SCAPER: variants seen among roughly 807,000 people sequenced by gnomAD.
SCAPER encodes the protein S phase cyclin A-associated protein in the endoplasmic reticulum.
Under a neutral mutation model 182.2 loss-of-function variants are expected in SCAPER, and 98 were observed. The ratio of observed to expected loss-of-function variants is 0.54; its 90% CI spans 0.46 to 0.64. SCAPER has a LOEUF of 0.64. Ranked by LOEUF, SCAPER falls within the 30% of genes least tolerant of loss-of-function variation. SCAPER has a pLI of 0.00. For synonymous variants in SCAPER, 605 were observed against 564.6 expected (o/e 1.07, Z -1.01); for missense variants, 1,432 against 1,690.0 (o/e 0.85, Z 2.68).
intron 16 of SCAPER, among the ~76,000 whole-genome samples, chr15:76,729,568 G>A (rs2060796735): frequency 6.6e-6 from 1 of 152,082 alleles, no homozygotes; most frequent in Non-Finnish European, 1.5e-5. Flanking sequence ...AGCACAGTGG[G>A]TGTAAGAGTG....
intron 23 of SCAPER, among the ~76,000 whole-genome samples, chr15:76,543,091 T>C (rs1203426518): frequency 6.6e-6 from 1 of 152,174 alleles, no homozygotes; most frequent in Non-Finnish European, 1.5e-5. Context: ...GTATGTTGAA[T>C]TACATTTCTA....
At chr15:76,625,402 G>A (rs1007828935) in intron 21 of SCAPER, among the ~76,000 whole-genome samples, 2 of 152,160 alleles carry the variant, frequency 1.3e-5, no homozygotes, top group African/African-American at 4.8e-5. Flanking sequence ...GGCTGCTGTT[G>A]GCAGGGAAGT....
chr15:76,750,201 T>C (rs1467134288), intron 15 of SCAPER, among the ~76,000 whole-genome samples: 1 of 151,696 alleles, frequency 6.6e-6, no homozygotes, highest in Non-Finnish European at 1.5e-5. Context: ...CAACCCTAAC[T>C]CATAATACAG....
At chr15:76,843,043 A>C (rs1036447064) in intron 4 of SCAPER, among the ~76,000 whole-genome samples, 1 of 152,244 alleles carries the variant, frequency 6.6e-6, no homozygotes, top group Non-Finnish European at 1.5e-5. Context: ...TCCAGACGCT[A>C]ATCTTATGAA....
intron 29 of SCAPER, among the ~76,000 whole-genome samples, chr15:76,359,309 C>T (rs1037585854): frequency 7.9e-5 from 12 of 152,134 alleles, no homozygotes; most frequent in Middle Eastern, 3.2e-3. Context: ...CAGCAAGTTT[C>T]GTGCCACGTA....
At chr15:76,804,769 A>T (rs1238338388) in intron 5 of SCAPER, 136 bp from the exon 6 acceptor site, 2 of 462,722 alleles carry the variant, frequency 4.3e-6, no homozygotes, top group Non-Finnish European at 7.4e-6. Flanking sequence ...TAAGTTACAG[A>T]TTTTTTTTTT....
At chr15:76,530,957 A>T (rs1420689014) in intron 23 of SCAPER, among the ~76,000 whole-genome samples, 1 of 151,450 alleles carries the variant, frequency 6.6e-6, no homozygotes. Context: ...ATATACAGGT[A>T]TATATGTGTA....
intron 4 of SCAPER, 32 bp from the exon 5 acceptor site, chr15:76,841,963 T>C: frequency 6.4e-7 from 1 of 1,569,678 alleles, no homozygotes; most frequent in African/African-American, 1.4e-5. Flanking sequence ...TGAAAATAAA[T>C]AAATAAAAGG....
intron 5 of SCAPER, among the ~76,000 whole-genome samples, chr15:76,808,500 G>T (rs2066350040): frequency 6.6e-6 from 1 of 152,154 alleles, no homozygotes; most frequent in South Asian, 2.1e-4. Context: ...AGAGCAAAGA[G>T]CTGCTTTTTA....
intron 23 of SCAPER, among the ~76,000 whole-genome samples, chr15:76,521,919 G>A (rs1009068686): frequency 6.6e-6 from 1 of 152,088 alleles, no homozygotes; most frequent in African/African-American, 2.4e-5. Context: ...AGATACTAGG[G>A]TACCAATTTG....
intron 4 of SCAPER, among the ~76,000 whole-genome samples, chr15:76,843,016 T>C (rs1290063891): frequency 6.6e-6 from 1 of 152,212 alleles, no homozygotes; most frequent in African/African-American, 2.4e-5. Context: ...AGCAAAGGAC[T>C]AGCAGCTTCC....
At position 76,351,219 on chromosome 15, in the gene SCAPER, A is replaced by C; in HGVS notation, c.4099+18T>G. The stretch of plus-strand genomic sequence containing the variant: ...TTGGCTAACAAACACATGAAATTTA[A>C]TTTCAATAGAGACATACCTTTGGGT... On this transcript the variant is annotated intron_variant, in intron 31 of 31. Coordinates refer to ENST00000563290, the MANE Select transcript of SCAPER (RefSeq NM_020843.4). 1 of 1,597,120 alleles carries C rather than the reference A, an allele frequency of 6.3e-7. No homozygotes were observed. The highest frequency in any genetic ancestry group is 8.5e-7 in the Non-Finnish European group (1 of 1,171,422).
intron 17 of SCAPER, among the ~76,000 whole-genome samples, chr15:76,711,708 T>C (rs1369273699): frequency 2.0e-5 from 3 of 152,206 alleles, no homozygotes; most frequent in Non-Finnish European, 4.4e-5. Context: ...CACTTTTTCA[T>C]GTGGTTTTTG....
intron 20 of SCAPER, among the ~76,000 whole-genome samples, chr15:76,666,500 A>G (rs1350157568): frequency 6.6e-6 from 1 of 152,168 alleles, no homozygotes; most frequent in Non-Finnish European, 1.5e-5. Context: ...TCTTTCATAC[A>G]TGCATGGCAA....
chr15:76,811,226 A>C (rs943482456), intron 5 of SCAPER, among the ~76,000 whole-genome samples: 1 of 152,110 alleles, frequency 6.6e-6, no homozygotes, highest in African/African-American at 2.4e-5. Context: ...CATATTTTTC[A>C]GGGCAGATCA....
chr15:76,491,114 A>G (rs538866861), intron 24 of SCAPER, among the ~76,000 whole-genome samples: 2 of 152,344 alleles, frequency 1.3e-5, no homozygotes, highest in South Asian at 4.1e-4. Flanking sequence ...AGCTAAAAAA[A>G]AATCAGTTGA....
At chr15:76,874,976 AT>A (rs2073038018) in intron 2 of SCAPER, among the ~76,000 whole-genome samples, 1 of 152,164 alleles carries the variant, frequency 6.6e-6, no homozygotes, top group African/African-American at 2.4e-5. Context: ...TCTCAAAAAA[AT>A]AATAATAATA....
At chr15:76,600,759 T>C (rs2049878433) in intron 22 of SCAPER, among the ~76,000 whole-genome samples, 2 of 120,712 alleles carry the variant, frequency 1.7e-5, no homozygotes, top group South Asian at 5.1e-4. Context: ...CCAGAAAGTA[T>C]TTTTTTAAAA....
intron 29 of SCAPER, among the ~76,000 whole-genome samples, chr15:76,362,815 A>C (rs1428168724): frequency 4.6e-5 from 7 of 152,274 alleles, no homozygotes; most frequent in African/African-American, 1.4e-4. Flanking sequence ...ACTTATATTC[A>C]AGGAAACAGA....
Sources: allele counts gnomAD v4.1 joint callset (sites outside exome capture counted in the v4.1 genomes callset), GRCh38; gene constraint gnomAD v4.1.1; transcripts MANE v1.5; gene names NCBI Gene and HGNC (gene_info 2026-07-23, HGNC 2026-07-21).